Variants in TBC1D16 observed in about 807,000 individuals in gnomAD.
The protein encoded by TBC1D16 is TBC1 domain family member 16, also known as CTD-2529O21.1.
Under a neutral mutation model 74.7 loss-of-function variants are expected in TBC1D16, and 58 were observed. That is an observed-to-expected ratio of 0.78 (90% CI 0.63 to 0.97). The LOEUF (loss-of-function observed/expected upper bound fraction) is 0.97, where lower values mean the gene tolerates loss of function less well. Ranked by LOEUF, TBC1D16 falls within the 50% of genes least tolerant of loss-of-function variation. The probability of loss-of-function intolerance (pLI) is 0.00; values close to 1 mark genes in which losing one functional copy is unlikely to be tolerated. For missense variants in TBC1D16, 1,014 were observed against 1,079.5 expected (o/e 0.94, Z 0.85); for synonymous variants, 493 against 474.7 (o/e 1.04, Z -0.50).
At position 79,990,701 on chromosome 17, in the gene TBC1D16, TCTC is replaced by T. The variant is rs1387874675; in HGVS notation, c.779+19456_779+19458del. ...CCATGACACCACCCATCTCCAGAAC[TCTC>T]CTTCTTCCCAAACTGAAGCTTTGTC... On this transcript the variant is annotated intron_variant, in intron 3 of 11. Transcript: ENST00000310924. This position sits in a 1 kb window ranked among gnomAD's most constrained non-coding sequence, Gnocchi z 4.8. Among the ~76,000 whole-genome samples the T allele has an allele frequency of 4.6e-5, 7 of 152,104 alleles. No individual in the cohort carries two copies. The highest frequency in any genetic ancestry group is 1.0e-4 in the Non-Finnish European group (7 of 68,018).
intron 1 of TBC1D16, among the ~76,000 whole-genome samples, chr17:80,024,564 G>GACACACACACC (rs2036457916): frequency 1.5e-5 from 2 of 130,300 alleles, no homozygotes; most frequent in African/African-American, 3.0e-5. Flanking sequence ...CACCACACAC[G>GACACACACACC]ACACACCATA....
chr17:80,033,352 T>TTTG (rs138650758), intron 1 of TBC1D16, among the ~76,000 whole-genome samples: 19 of 151,648 alleles, frequency 1.3e-4, no homozygotes, highest in South Asian at 2.1e-4. Flanking sequence ...TTGTTGTTGT[T>TTTG]TTGTTGTTGT....
intron 3 of TBC1D16, among the ~76,000 whole-genome samples, chr17:79,953,725 A>C (rs2033192245): frequency 6.6e-6 from 1 of 151,904 alleles, no homozygotes; most frequent in African/African-American, 2.4e-5. Flanking sequence ...CAGCCACCTC[A>C]CAGGTTAAAT....
rs1049550019 is a variant in TBC1D16 at position 79,956,834 on chromosome 17, C to T, written c.780-4016G>A. 6.6e-6 allele frequency among the ~76,000 whole-genome samples: 1 copy of T among 152,152 alleles called. No individual in the cohort carries two copies. Among genetic ancestry groups the T allele is most frequent in the Non-Finnish European group, 1.5e-5 (1 of 68,024 alleles). On this transcript the variant is annotated intron_variant, in intron 3 of 11. Coordinates refer to ENST00000310924, the MANE Select transcript of TBC1D16 (RefSeq NM_019020.4). The surrounding 1 kb of genome is among the most constrained non-coding windows in gnomAD (Gnocchi z 4.0). The stretch of plus-strand genomic sequence containing the variant: ...AGCTGTAGGTCCCAAGCACAGTGTC[C>T]TGAATTAATGAATCAATCCATTAAT...
rs1337595642 is a variant in TBC1D16 at position 79,952,883 on chromosome 17, G to A, written c.780-65C>T. ...CTGCCCACACTACCCAGAGGGGGACGGGGGTCATGGGGGAGTCATTTAAAC... is the reference window on the plus strand; with the variant it reads ...CTGCCCACACTACCCAGAGGGGGACAGGGGTCATGGGGGAGTCATTTAAAC... On this transcript the variant is annotated intron_variant, in intron 3 of 11. Coordinates refer to ENST00000310924, the MANE Select transcript of TBC1D16 (RefSeq NM_019020.4). 2.9e-5 allele frequency: 44 copies of A among 1,526,968 alleles called. No homozygotes were observed. In the East Asian group the frequency reaches 3.9e-4, roughly 13 times the overall value. 94.6% of individuals were successfully genotyped at this position (1,526,968 alleles called of 1,614,324 possible).
At chr17:79,999,602 G>C (rs1307410179) in intron 3 of TBC1D16, among the ~76,000 whole-genome samples, 3 of 141,340 alleles carry the variant, frequency 2.1e-5, no homozygotes, top group African/African-American at 8.0e-5. Flanking sequence ...GAGTGCAGTG[G>C]CGTGATCTCG....
chr17:80,017,377 C>G (rs1331742044), intron 1 of TBC1D16, among the ~76,000 whole-genome samples: 1 of 152,036 alleles, frequency 6.6e-6, no homozygotes, highest in Non-Finnish European at 1.5e-5. Flanking sequence ...CATTTTTCAA[C>G]CCCCTTAAAA....
chr17:79,957,910 T>A (rs941414709), intron 3 of TBC1D16, among the ~76,000 whole-genome samples: 2 of 148,610 alleles, frequency 1.3e-5, no homozygotes, highest in African/African-American at 4.9e-5. Flanking sequence ...GGGACACATA[T>A]ATGATAAAGA....
intron 6 of TBC1D16, 56 bp from the exon 7 acceptor site, chr17:79,949,921 C>A (rs2143669268): frequency 2.5e-6 from 4 of 1,575,976 alleles, no homozygotes; most frequent in Non-Finnish European, 3.5e-6. Flanking sequence ...TCAAAGAACC[C>A]CCAAATCCCC....
intron 3 of TBC1D16, among the ~76,000 whole-genome samples, chr17:79,973,476 A>G (rs1000562965): frequency 3.3e-5 from 5 of 152,146 alleles, no homozygotes; most frequent in Non-Finnish European, 7.3e-5. Context: ...TTGGAAGGCC[A>G]AGGCGGGCGG....
At position 79,952,472 on chromosome 17, in the gene TBC1D16, G is replaced by C. The variant is rs1313513327; in HGVS notation, c.941+185C>G. On this transcript the variant is annotated intron_variant, in intron 4 of 11. Transcript: ENST00000310924. Reference sequence around the variant, plus strand: ...CGGTAGCTCACCCAGCCTGAGAACTGTCAGGGAGCTGCAGTGGGGAATCAC... The same window carrying C: ...CGGTAGCTCACCCAGCCTGAGAACTCTCAGGGAGCTGCAGTGGGGAATCAC... Among the ~76,000 whole-genome samples, 3 of 152,242 alleles carry C rather than the reference G, an allele frequency of 2.0e-5. No homozygotes were observed. The South Asian group carries it at 6.2e-4, about 32-fold the overall frequency.
intron 1 of TBC1D16, among the ~76,000 whole-genome samples, chr17:80,018,613 CT>C (rs74490917): frequency 0.17 from 24,040 of 140,578 alleles, 2,999 homozygotes; most frequent in African/African-American, 0.28. Flanking sequence ...CTTTTACATT[CT>C]TTTTTTTTTT....
At chr17:79,960,801 A>C (rs960932255) in intron 3 of TBC1D16, among the ~76,000 whole-genome samples, 23 of 149,162 alleles carry the variant, frequency 1.5e-4, no homozygotes, top group Non-Finnish European at 2.7e-4. Context: ...AAAAAAAAAA[A>C]AAAAAAAACG....
At position 79,956,035 on chromosome 17, in the gene TBC1D16, C is replaced by T. The variant is rs772806033; in HGVS notation, c.780-3217G>A. Among the ~76,000 whole-genome samples, 2 of 152,168 alleles carry T rather than the reference C, an allele frequency of 1.3e-5. No homozygotes were observed. The highest frequency in any genetic ancestry group is 2.9e-5 in the Non-Finnish European group (2 of 68,038). On this transcript the variant is annotated intron_variant, in intron 3 of 11. Coordinates refer to ENST00000310924, the MANE Select transcript of TBC1D16 (RefSeq NM_019020.4). This position sits in a 1 kb window ranked among gnomAD's most constrained non-coding sequence, Gnocchi z 4.0. ...CCTCACTCTTCCTCTTGGCACAGTG[C>T]AGGCAAGACAGACAGACGAGAGCTC... is the stretch of plus-strand genomic sequence containing the variant.
intron 9 of TBC1D16, among the ~76,000 whole-genome samples, chr17:79,946,430 G>A (rs1487335506): frequency 2.6e-5 from 4 of 152,240 alleles, no homozygotes; most frequent in South Asian, 2.1e-4. Context: ...CACCTCCTGC[G>A]GTGCGGCCAG....
rs1330868965 is a variant in TBC1D16, at chr17:79,932,952, G to A, written c.*7907C>T. On this transcript the variant is annotated 3_prime_UTR_variant, in exon 12 of 12. Transcript: ENST00000310924. ...TGATGACATCGGACCTATCAGGTCA[G>A]ACTTATTTTCCTAGTCAGAGACTGA... 2.6e-5 allele frequency: 4 copies of A among 152,234 alleles called. No homozygotes were observed. Among genetic ancestry groups the A allele is most frequent in the Non-Finnish European group, 5.9e-5 (4 of 68,046 alleles). 9.4% of individuals were successfully genotyped at this position (152,234 alleles called of 1,614,324 possible).
intron 3 of TBC1D16, among the ~76,000 whole-genome samples, chr17:79,966,565 A>T (rs1273798513): frequency 2.0e-5 from 3 of 152,152 alleles, no homozygotes; most frequent in Non-Finnish European, 2.9e-5. Context: ...TACTTCCTCC[A>T]GGTTGCTTCC....
At chr17:79,992,000 C>G (rs2035081636) in intron 3 of TBC1D16, 1 of 152,260 alleles carries the variant, frequency 6.6e-6, no homozygotes, top group Non-Finnish European at 1.5e-5. Context: ...GGTGGCCCCC[C>G]CATCCTCGCC....
At chr17:80,003,190 C>T (rs2035555191) in intron 3 of TBC1D16, among the ~76,000 whole-genome samples, 1 of 152,234 alleles carries the variant, frequency 6.6e-6, no homozygotes, top group African/African-American at 2.4e-5. Context: ...CCTTGCCCAC[C>T]TGTGGCCGCG....
Sources: gnomAD v4.1 joint callset for allele counts (sites outside exome capture counted in the v4.1 genomes callset) on GRCh38, gnomAD v4.1.1 for gene constraint, Gnocchi (gnomAD v3.1) non-coding constraint, MANE v1.5 for transcripts, NCBI Gene and HGNC (gene_info 2026-07-23, HGNC 2026-07-21) for gene names.